FNDC3B: variants seen among roughly 807,000 people sequenced by gnomAD.
FNDC3B encodes fibronectin type III domain-containing protein 3B.
In FNDC3B, 12 loss-of-function variants were observed where a neutral mutation model predicts 151.5. That is an observed-to-expected ratio of 0.08 (90% CI 0.05 to 0.13). The LOEUF (loss-of-function observed/expected upper bound fraction) is 0.13, where lower values mean the gene tolerates loss of function less well. Ranked by LOEUF, FNDC3B falls within the 10% of genes least tolerant of loss-of-function variation. The probability of loss-of-function intolerance (pLI) is 1.00; values close to 1 mark genes in which losing one functional copy is unlikely to be tolerated. For synonymous variants in FNDC3B, 528 were observed against 549.0 expected (o/e 0.96, Z 0.54); for missense variants, 1,214 against 1,505.3 (o/e 0.81, Z 3.20).
In FNDC3B at chr3:172,330,619, T is replaced by G; in HGVS notation, c.1458T>G (p.Ala486=). 6.2e-7 allele frequency: 1 copy of G among 1,614,156 alleles called. No homozygotes were observed. Among genetic ancestry groups the G allele is most frequent in the Non-Finnish European group, 8.5e-7 (1 of 1,179,976 alleles). ...QMPSAPRLVR[A]GITWVTLQWS... ...CTTCTGCACCAAGGCTGGTTCGAGCTGGCATCACATGGGTCACGTTGCAGT... is the reference window on the plus strand; with the variant it reads ...CTTCTGCACCAAGGCTGGTTCGAGCGGGCATCACATGGGTCACGTTGCAGT... Residue 486 remains alanine, a synonymous_variant, in exon 13 of 26, where the codon GCT becomes GCG. Transcript: ENST00000415807.
intron 3 of FNDC3B, among the ~76,000 whole-genome samples, chr3:172,185,924 A>C (rs1234671568): frequency 6.6e-6 from 1 of 152,198 alleles, no homozygotes; most frequent in Non-Finnish European, 1.5e-5. Context: ...GCTGTCACTG[A>C]TTTAGGGGAC....
chr3:172,383,812 G>T (rs181153198), intron 25 of FNDC3B, among the ~76,000 whole-genome samples: 1 of 152,310 alleles, frequency 6.6e-6, no homozygotes, highest in East Asian at 1.9e-4. Context: ...CAATGACTCT[G>T]AAGGATTTAG....
intron 1 of FNDC3B, among the ~76,000 whole-genome samples, chr3:172,102,475 G>A (rs761753769): frequency 2.6e-5 from 4 of 152,130 alleles, no homozygotes; most frequent in African/African-American, 4.8e-5. Context: ...AATTTGATTC[G>A]TAATAGATCT....
chr3:172,145,930 C>T (rs1164911400), intron 3 of FNDC3B, among the ~76,000 whole-genome samples: 1 of 151,158 alleles, frequency 6.6e-6, no homozygotes, highest in African/African-American at 2.4e-5. Context: ...TCTCCTGCCT[C>T]AGCCTCCTGA....
At position 172,181,103 on chromosome 3, in the gene FNDC3B, T is replaced by TC. The variant is rs1723865548; in HGVS notation, c.188-45767dup. ...ATATAGGCATTCTAAGTAGATATAT[T>TC]CTAAGATGACAGCCTGGTGTGGTGG... On this transcript the variant is annotated intron_variant, in intron 3 of 25. Transcript: ENST00000415807. Among the ~76,000 whole-genome samples the TC allele has an allele frequency of 5.8e-5, 3 of 51,790 alleles. No individual in the cohort carries two copies. The African/African-American group carries it at 6.3e-4, about 11-fold the overall frequency. 34.0% of individuals were successfully genotyped at this position (51,790 alleles called of 152,430 possible). A position where few individuals can be genotyped will look rare whatever the true frequency, so the allele number is the denominator to read the frequency against.
intron 1 of FNDC3B, among the ~76,000 whole-genome samples, chr3:172,064,515 G>A (rs1202374538): frequency 6.6e-6 from 1 of 152,062 alleles, no homozygotes; most frequent in Non-Finnish European, 1.5e-5. Flanking sequence ...TGTAAGAAAC[G>A]GTTGGCTAAC....
intron 3 of FNDC3B, among the ~76,000 whole-genome samples, chr3:172,135,879 T>A (rs1175083608): frequency 6.6e-6 from 1 of 152,238 alleles, no homozygotes; most frequent in East Asian, 1.9e-4. Flanking sequence ...TATAGCAACA[T>A]AAAATGTGGC....
chr3:172,377,558 A>G (rs1359820984), intron 23 of FNDC3B, among the ~76,000 whole-genome samples: 1 of 152,186 alleles, frequency 6.6e-6, no homozygotes, highest in East Asian at 1.9e-4. Context: ...TTTCATGGAA[A>G]TCTTAATTAG....
chr3:172,040,535 T>A lies in FNDC3B; in HGVS notation c.-29+764T>A, dbSNP rs1288549105. The A allele has an allele frequency of 6.6e-6, 1 of 151,768 alleles. No homozygotes were observed. Among genetic ancestry groups the A allele is most frequent in the Non-Finnish European group, 1.5e-5 (1 of 68,012 alleles). The allele number at this position is 151,768 out of a possible 1,614,324, so 9.4% of individuals were successfully genotyped here. ...CGGTAACCGGCGGCCGCGGCCGGAC[T>A]TGGCGAGCCGGCGGCTGGAAGCTCG... On this transcript the variant is annotated intron_variant, in intron 1 of 25. Transcript: ENST00000415807. This position sits in a 1 kb window ranked among gnomAD's most constrained non-coding sequence, Gnocchi z 6.6.
At chr3:172,216,943 A>G (rs1040015712) in intron 3 of FNDC3B, among the ~76,000 whole-genome samples, 22 of 152,152 alleles carry the variant, frequency 1.4e-4, no homozygotes, top group African/African-American at 4.8e-4. Flanking sequence ...CTTTCACCAA[A>G]TGCTCATGCT....
chr3:172,346,717 T>G (rs1179769709), intron 20 of FNDC3B, among the ~76,000 whole-genome samples: 2 of 152,262 alleles, frequency 1.3e-5, no homozygotes, highest in Middle Eastern at 3.4e-3. Context: ...TTTTATTTTT[T>G]TGTGTGACAG....
intron 11 of FNDC3B, among the ~76,000 whole-genome samples, chr3:172,320,568 G>A (rs1454812181): frequency 2.0e-5 from 3 of 152,148 alleles, no homozygotes; most frequent in Non-Finnish European, 2.9e-5. Flanking sequence ...AGGAAGTATC[G>A]TTTCCAATCT....
At position 172,040,098 on chromosome 3, in the gene FNDC3B, C is replaced by G. The variant is rs1226823934; in HGVS notation, c.-29+327C>G. On this transcript the variant is annotated intron_variant, in intron 1 of 25. Transcript: ENST00000415807. This position sits in a 1 kb window ranked among gnomAD's most constrained non-coding sequence, Gnocchi z 6.6. ...TCTTAAAAAAAATTGGGCAGTGGCT[C>G]GCGGCCTCCCCCCACCCCCAGCCTT... Among the ~76,000 whole-genome samples the G allele has an allele frequency of 1.3e-5, 2 of 152,252 alleles. No individual in the cohort carries two copies. The highest frequency in any genetic ancestry group is 4.1e-4 in the South Asian group (2 of 4,826).
rs560037971 is a variant in FNDC3B, at chr3:172,199,281, G to A, written c.188-27590G>A. Among the ~76,000 whole-genome samples the A allele has an allele frequency of 8.6e-5, 13 of 151,488 alleles. No individual in the cohort carries two copies. The South Asian group carries it at 1.7e-3, about 19-fold the overall frequency. ...TGCAGGCTCCGCCTCCCGGGTTCAC[G>A]CCATTCTCCTGCCTCAGCCTCCCGA... On this transcript the variant is annotated intron_variant, in intron 3 of 25. Coordinates refer to ENST00000415807, the MANE Select transcript of FNDC3B (RefSeq NM_022763.4).
At chr3:172,378,058 T>C (rs1196222737) in intron 23 of FNDC3B, among the ~76,000 whole-genome samples, 1 of 152,224 alleles carries the variant, frequency 6.6e-6, no homozygotes, top group African/African-American at 2.4e-5. Context: ...TTCCAGTCTT[T>C]ATATGTGCTT....
At chr3:172,077,731 C>T (rs560832524) in intron 1 of FNDC3B, among the ~76,000 whole-genome samples, 184 of 152,038 alleles carry the variant, frequency 1.2e-3, no homozygotes, top group African/African-American at 3.7e-3. Flanking sequence ...TTTTCCCCCC[C>T]AAAAAAGAAA....
chr3:172,203,063 A>G (rs749567360), intron 3 of FNDC3B, among the ~76,000 whole-genome samples: 18 of 152,154 alleles, frequency 1.2e-4, no homozygotes, highest in East Asian at 1.9e-4. Flanking sequence ...AACATATTAC[A>G]TGGGGAGTTC....
intron 3 of FNDC3B, among the ~76,000 whole-genome samples, chr3:172,145,811 C>CTTTTTT (rs34361134): frequency 1.8e-5 from 2 of 114,170 alleles, no homozygotes; most frequent in Non-Finnish European, 3.6e-5. Flanking sequence ...AGGTTTCTTT[C>CTTTTTT]TTTTTTTTTT....
At chr3:172,062,774 C>T (rs1390944841) in intron 1 of FNDC3B, among the ~76,000 whole-genome samples, 1 of 152,056 alleles carries the variant, frequency 6.6e-6, no homozygotes, top group African/African-American at 2.4e-5. Flanking sequence ...ACCCATCCAT[C>T]CATCCTCTTC....
Sources: gnomAD v4.1 joint callset for allele counts (sites outside exome capture counted in the v4.1 genomes callset) on GRCh38, gnomAD v4.1.1 for gene constraint, Gnocchi (gnomAD v3.1) non-coding constraint, MANE v1.5 for transcripts, NCBI Gene and HGNC (gene_info 2026-07-23, HGNC 2026-07-21) for gene names.